The following PTP4A2 variants were observed in gnomAD, a reference collection of about 807,000 sequenced individuals.
PTP4A2 encodes the protein protein tyrosine phosphatase 4A2, also known as protein tyrosine phosphatase type IVA 2.
A neutral mutation model predicts 22.9 loss-of-function variants in PTP4A2; 2 were observed. The observed-to-expected ratio is 0.09, with a 90% CI of 0.04 to 0.27. The LOEUF (loss-of-function observed/expected upper bound fraction) is 0.27. PTP4A2 is among the 10% of genes least tolerant of loss of function. The pLI is 1.00. For missense variants in PTP4A2, 103 were observed against 205.1 expected (o/e 0.50, Z 3.04); for synonymous variants, 68 against 69.1 (o/e 0.98, Z 0.08).
chr1:31,922,637 T>TCTTTCTTTCTTTC (rs1553211660), intron 1 of PTP4A2, among the ~76,000 whole-genome samples: 2 of 145,858 alleles, frequency 1.4e-5, no homozygotes, highest in African/African-American at 5.3e-5. Flanking sequence ...TTTCTTTCTT[T>TCTTTCTTTCTTTC]TATTTATTTT....
At chr1:31,915,784 C>T in intron 3 of PTP4A2, 111 bp downstream of exon 3, 1 of 689,872 alleles carries the variant, frequency 1.4e-6, no homozygotes, top group Non-Finnish European at 2.4e-6. Flanking sequence ...AAGTGATCTT[C>T]CCACAATATT....
chr1:31,908,157 T>C lies in PTP4A2; in HGVS notation c.*695A>G, dbSNP rs1296123803. ...ATATTATATTATATATATATATATA[T>C]ATATATATATATATATATATATATA... On this transcript the variant is annotated 3_prime_UTR_variant, in exon 6 of 6. Coordinates refer to ENST00000647444, the MANE Select transcript of PTP4A2 (RefSeq NM_080391.4). 3.2e-4 allele frequency: 1 copy of C among 3,120 alleles called. No homozygotes were observed. The highest frequency in any genetic ancestry group is 1.3e-3 in the African/African-American group (1 of 744). The allele number at this position is 3,120 out of a possible 1,614,324, so 0.2% of individuals were successfully genotyped here.
At chr1:31,915,726 G>C in intron 3 of PTP4A2, 169 bp downstream of exon 3, 1 of 545,798 alleles carries the variant, frequency 1.8e-6, no homozygotes, top group African/African-American at 2.0e-5. Context: ...TATCTGTACA[G>C]ATGAGATCTC....
chr1:31,933,314 A>T (rs1479381734), intron 1 of PTP4A2: 1 of 151,994 alleles, frequency 6.6e-6, no homozygotes, highest in Non-Finnish European at 1.5e-5. Flanking sequence ...AGATTAAGAG[A>T]CTCAAATCAC....
intron 1 of PTP4A2, among the ~76,000 whole-genome samples, chr1:31,930,077 G>A (rs1253160367): frequency 5.3e-5 from 8 of 152,196 alleles, no homozygotes; most frequent in African/African-American, 7.2e-5. Flanking sequence ...GGTGGCTCAC[G>A]CCTGTAATCC....
chr1:31,917,349 A>G (rs1046505531), intron 2 of PTP4A2, among the ~76,000 whole-genome samples: 2 of 152,230 alleles, frequency 1.3e-5, no homozygotes, highest in African/African-American at 4.8e-5. Flanking sequence ...AAAGTGTAAA[A>G]TTATTTTAAT....
intron 1 of PTP4A2, among the ~76,000 whole-genome samples, chr1:31,924,329 C>G (rs541167600): frequency 7.9e-5 from 12 of 152,224 alleles, no homozygotes; most frequent in Non-Finnish European, 1.6e-4. Flanking sequence ...TGTTCTAGCA[C>G]TTTTAACAGA....
At chr1:31,925,252 G>A (rs1652393205) in intron 1 of PTP4A2, among the ~76,000 whole-genome samples, 2 of 152,130 alleles carry the variant, frequency 1.3e-5, no homozygotes, top group African/African-American at 4.8e-5. Flanking sequence ...ATTCTAAGGT[G>A]ATAAGAACCC....
rs556649692 is a variant in PTP4A2, at chr1:31,919,128, C to T, written c.-63G>A. ...GATGGGGAAAGTGAAAAAAAAAAAT[C>T]AATAAATCTTGAAATGTTTCACAGC... On this transcript the variant is annotated 5_prime_UTR_variant, in exon 2 of 6. It removes the in-frame stop codon of an upstream open reading frame in the 5' UTR. Coordinates refer to ENST00000647444, the MANE Select transcript of PTP4A2 (RefSeq NM_080391.4). 4.2e-4 allele frequency: 335 copies of T among 796,498 alleles called. 2 individuals carry two copies. The South Asian group carries it at 4.8e-3, about 11-fold the overall frequency. The allele number at this position is 796,498 out of a possible 1,614,324, so 49.3% of individuals were successfully genotyped here. A position where few individuals can be genotyped will look rare whatever the true frequency, so the allele number is the denominator to read the frequency against.
At chr1:31,921,379 CCTTT>C (rs1246876691) in intron 1 of PTP4A2, 11 of 152,154 alleles carry the variant, frequency 7.2e-5, no homozygotes, top group Non-Finnish European at 1.5e-4. Flanking sequence ...CTCATCCTCT[CCTTT>C]CTATTTCAGT....
intron 1 of PTP4A2, among the ~76,000 whole-genome samples, chr1:31,929,078 TAACTA>T (rs1652611398): frequency 6.6e-6 from 1 of 152,180 alleles, no homozygotes; most frequent in Admixed American, 6.5e-5. Flanking sequence ...CCTCTACAAA[TAACTA>T]TAAGACAAAA....
At chr1:31,928,454 C>T (rs1410080416) in intron 1 of PTP4A2, among the ~76,000 whole-genome samples, 1 of 151,592 alleles carries the variant, frequency 6.6e-6, no homozygotes, top group African/African-American at 2.4e-5. Context: ...AATCCCAGCA[C>T]TTTGGAAGGC....
At chr1:31,925,998 G>A (rs544056229) in intron 1 of PTP4A2, among the ~76,000 whole-genome samples, 86 of 150,672 alleles carry the variant, frequency 5.7e-4, no homozygotes, top group South Asian at 1.0e-3. Context: ...GCGTGGCGGC[G>A]CATGCCTGTA....
At chr1:31,936,704 C>T (rs1375843798) in intron 1 of PTP4A2, among the ~76,000 whole-genome samples, 1 of 152,180 alleles carries the variant, frequency 6.6e-6, no homozygotes, top group Non-Finnish European at 1.5e-5. Context: ...CAGCAAACAA[C>T]TTCTCACCAT....
chr1:31,912,107 A>G (rs1651565830), intron 3 of PTP4A2, among the ~76,000 whole-genome samples: 1 of 152,214 alleles, frequency 6.6e-6, no homozygotes, highest in Admixed American at 6.5e-5. Context: ...TGTTCTCCCA[A>G]AAATGATATC....
intron 1 of PTP4A2, chr1:31,933,033 CCTCT>C (rs566615750): frequency 9.2e-4 from 140 of 151,888 alleles, no homozygotes; most frequent in African/African-American, 3.2e-3. Context: ...ACAGGGTCTC[CCTCT>C]GTCTCCCAGG....
Position 31,915,984 on chromosome 1 carries a change from G to A in PTP4A2, c.100C>T (p.Leu34Phe), listed in dbSNP as rs2124171730. 1.3e-6 allele frequency: 2 copies of A among 1,545,486 alleles called. No individual in the cohort carries two copies. Among genetic ancestry groups the A allele is most frequent in the South Asian group, 1.2e-5 (1 of 82,142 alleles). ...NATLNKFTEE[L>F]KKYGVTTLVR... is the part of the protein sequence containing the mutation. ...AAAGTCGTCACTCCATACTTCTTAAGTTCCTTTAAAAAAAAAAAAAATTAT... is the reference window on the plus strand; with the variant it reads ...AAAGTCGTCACTCCATACTTCTTAAATTCCTTTAAAAAAAAAAAAAATTAT... The change falls in exon 3 of 6, where the codon CTT (leucine) becomes TTT (phenylalanine). Residue 34 changes from leucine (L) to phenylalanine (F), a missense_variant. Transcript: ENST00000647444.
chr1:31,936,037 C>T (rs937684124), intron 1 of PTP4A2, among the ~76,000 whole-genome samples: 2 of 151,944 alleles, frequency 1.3e-5, no homozygotes, highest in Non-Finnish European at 2.9e-5. Context: ...GATCCTCCTG[C>T]CTCAGCCTCC....
intron 2 of PTP4A2, among the ~76,000 whole-genome samples, chr1:31,918,467 A>T (rs577262345): frequency 2.0e-5 from 3 of 152,220 alleles, no homozygotes; most frequent in South Asian, 4.1e-4. Flanking sequence ...AAGTACATAC[A>T]GAATGGTTTT....
Sources: gnomAD v4.1 joint callset for allele counts (sites outside exome capture counted in the v4.1 genomes callset) on GRCh38, gnomAD v4.1.1 for gene constraint, MANE v1.5 for transcripts, NCBI Gene and HGNC (gene_info 2026-07-23, HGNC 2026-07-21) for gene names.